PUM1: variants seen among roughly 807,000 people sequenced by gnomAD.
PUM1 encodes the protein pumilio RNA binding family member 1.
Under a neutral mutation model 131.8 loss-of-function variants are expected in PUM1, and 13 were observed. The ratio of observed to expected loss-of-function variants is 0.10; its 90% confidence interval spans 0.06 to 0.16. The LOEUF is 0.16. Among genes scored for constraint, PUM1 ranks in the 10% least tolerant of loss-of-function variants. The pLI is 1.00. For synonymous variants in PUM1, 509 were observed against 556.5 expected (o/e 0.91, Z 1.20); for missense variants, 961 against 1,512.4 (o/e 0.64, Z 6.05).
intron 5 of PUM1, among the ~76,000 whole-genome samples, chr1:31,001,979 A>G (rs979753708): frequency 6.6e-6 from 1 of 152,222 alleles, no homozygotes; most frequent in Non-Finnish European, 1.5e-5. Context: ...TGCGTTTCTG[A>G]TAAGCTCCCA....
At chr1:30,988,371 A>G (rs186545764) in intron 7 of PUM1, among the ~76,000 whole-genome samples, 2 of 152,346 alleles carry the variant, frequency 1.3e-5, no homozygotes, top group African/African-American at 4.8e-5. Flanking sequence ...AATAAGTTTG[A>G]TGAAACCAGC....
chr1:31,027,885 C>G (rs1643283436), intron 3 of PUM1, among the ~76,000 whole-genome samples: 1 of 152,108 alleles, frequency 6.6e-6, no homozygotes, highest in Non-Finnish European at 1.5e-5. Context: ...GTAATTCTCC[C>G]TCTTGTGAAA....
intron 4 of PUM1, 26 bp from the exon 5 acceptor site, chr1:31,006,057 T>C (rs777791261): frequency 1.3e-6 from 2 of 1,562,218 alleles, no homozygotes; most frequent in Non-Finnish European, 8.7e-7. Context: ...ACAAGCATGA[T>C]ACAGTGCAGC....
chr1:31,002,039 T>C (rs1446511996), intron 5 of PUM1, among the ~76,000 whole-genome samples: 1 of 152,236 alleles, frequency 6.6e-6, no homozygotes, highest in Admixed American at 6.5e-5. Flanking sequence ...AGACTTCTAA[T>C]GTTTACAAAG....
intron 3 of PUM1, among the ~76,000 whole-genome samples, chr1:31,014,710 A>G (rs1642749131): frequency 6.6e-6 from 1 of 150,706 alleles, no homozygotes; most frequent in South Asian, 2.1e-4. Context: ...AATCACTTGA[A>G]CCCAGGAGGC....
chr1:30,940,879 A>C (rs2124387484), intron 20 of PUM1, among the ~76,000 whole-genome samples: 1 of 152,338 alleles, frequency 6.6e-6, no homozygotes, highest in East Asian at 1.9e-4. Flanking sequence ...CAAACAAACA[A>C]GTTAATAAAA....
rs1486369968 is a variant in PUM1 at position 31,015,935 on chromosome 1, C to T, written c.433-8833G>A. On this transcript the variant is annotated intron_variant, in intron 3 of 21. Transcript: ENST00000426105. ...TGATCCACCCGCCTCGGCCTCCCAA[C>T]GTGCTGGGATTACAGGCATAAGCCA... Among the ~76,000 whole-genome samples, 3 of 151,968 alleles carry T rather than the reference C, an allele frequency of 2.0e-5. No individual in the cohort carries two copies. The East Asian group carries it at 5.8e-4, about 30-fold the overall frequency.
chr1:31,014,949 G>A (rs1051051555), intron 3 of PUM1, among the ~76,000 whole-genome samples: 7 of 152,178 alleles, frequency 4.6e-5, no homozygotes, highest in Non-Finnish European at 2.9e-5. Context: ...GCAACATAGT[G>A]AGACCCTGTC....
intron 16 of PUM1, among the ~76,000 whole-genome samples, chr1:30,951,583 G>A (rs1008820086): frequency 4.6e-5 from 7 of 152,264 alleles, no homozygotes; most frequent in Middle Eastern, 3.4e-3. Flanking sequence ...CCTTAGGGTT[G>A]CCAATACCAG....
At chr1:31,007,294 G>A (rs1642427338) in intron 3 of PUM1, among the ~76,000 whole-genome samples, 192 bp from the exon 4 acceptor site, 1 of 152,074 alleles carries the variant, frequency 6.6e-6, no homozygotes, top group African/African-American at 2.4e-5. Flanking sequence ...AGAGGCCTAA[G>A]GCAAGGTGGG....
chr1:31,047,886 G>A (rs1351400978), intron 2 of PUM1, among the ~76,000 whole-genome samples: 3 of 152,156 alleles, frequency 2.0e-5, no homozygotes, highest in East Asian at 1.9e-4. Flanking sequence ...AGATTGCAGT[G>A]AGCCGAGATC....
intron 2 of PUM1, among the ~76,000 whole-genome samples, chr1:31,052,015 C>CT (rs1010948886): frequency 4.0e-5 from 6 of 150,132 alleles, no homozygotes; most frequent in South Asian, 2.1e-4. Context: ...AAATAAGTAA[C>CT]TTTTTTTTTT....
At chr1:30,943,641 T>C (rs1444518124) in intron 18 of PUM1, among the ~76,000 whole-genome samples, 1 of 152,178 alleles carries the variant, frequency 6.6e-6, no homozygotes, top group Non-Finnish European at 1.5e-5. Flanking sequence ...TGTTTAAACA[T>C]GTCTAAAAGG....
rs1638993389 is a variant in PUM1 at position 30,932,190 on chromosome 1, A to G, written c.*1021T>C. On this transcript the variant is annotated 3_prime_UTR_variant, in exon 22 of 22. Coordinates refer to ENST00000426105, the MANE Select transcript of PUM1 (RefSeq NM_001020658.2). Reference sequence around the variant, plus strand: ...TGGCTAATTCTCTTTTCTTACCAAAAAACGTGTTTATGTTGATTCAAACTT... The same window carrying G: ...TGGCTAATTCTCTTTTCTTACCAAAGAACGTGTTTATGTTGATTCAAACTT... 1 of 152,636 alleles carries G rather than the reference A, an allele frequency of 6.6e-6. No homozygotes were observed. Among genetic ancestry groups the G allele is most frequent in the Middle Eastern group, 3.2e-3 (1 of 316 alleles). The allele number at this position is 152,636 out of a possible 1,614,324, so 9.5% of individuals were successfully genotyped here.
chr1:30,990,417 A>G (rs1461420553), intron 7 of PUM1, among the ~76,000 whole-genome samples: 6 of 152,248 alleles, frequency 3.9e-5, no homozygotes, highest in Non-Finnish European at 8.8e-5. Context: ...AGACTAAGAA[A>G]GGAAGGTGAC....
intron 2 of PUM1, among the ~76,000 whole-genome samples, chr1:31,048,712 G>T (rs1644032205): frequency 1.3e-5 from 2 of 151,602 alleles, no homozygotes. Flanking sequence ...CTGACCTCAT[G>T]ATCCGCCTGC....
intron 5 of PUM1, among the ~76,000 whole-genome samples, chr1:30,996,965 T>G (rs1038922531): frequency 2.8e-4 from 43 of 152,134 alleles, no homozygotes; most frequent in African/African-American, 9.9e-4. Context: ...AAAACTGAAC[T>G]GTTAAAATAA....
intron 20 of PUM1, among the ~76,000 whole-genome samples, chr1:30,938,633 G>A (rs1416726711): frequency 6.6e-6 from 1 of 152,192 alleles, no homozygotes; most frequent in Non-Finnish European, 1.5e-5. Flanking sequence ...GGGAGGCCAA[G>A]GCAGATGGAT....
intron 3 of PUM1, 43 bp downstream of exon 3, chr1:31,028,753 C>G: frequency 6.8e-7 from 1 of 1,475,436 alleles, no homozygotes; most frequent in Non-Finnish European, 9.5e-7. Flanking sequence ...TCCAACCTTC[C>G]CTTAAAAACA....
Sources: gnomAD v4.1 joint callset for allele counts (sites outside exome capture counted in the v4.1 genomes callset) on GRCh38, gnomAD v4.1.1 for gene constraint, MANE v1.5 for transcripts, NCBI Gene and HGNC (gene_info 2026-07-23, HGNC 2026-07-21) for gene names.